XKR9: variants seen among roughly 807,000 people sequenced by gnomAD.
XKR9 encodes XK-related protein 9.
XKR9 carries 32 observed loss-of-function variants against 32.0 expected under a neutral mutation model. The observed-to-expected ratio is 1.00, with a 90% CI of 0.76 to 1.34. The LOEUF is 1.34. XKR9 is among the 40% of genes most tolerant of loss of function. The probability of loss-of-function intolerance (pLI) is 0.00; values close to 1 mark genes in which losing one functional copy is unlikely to be tolerated. For missense variants in XKR9, 546 were observed against 429.7 expected (o/e 1.27, Z -2.39); for synonymous variants, 168 against 143.4 (o/e 1.17, Z -1.22).
At chr8:71,004,135 G>C in the XKR9 span, among the ~76,000 whole-genome samples, 1 of 152,174 alleles carries the variant, frequency 6.6e-6, no homozygotes, top group East Asian at 1.9e-4. Flanking sequence ...TCCCGTGGAG[G>C]ACCATGTTGT....
chr8:70,815,727 G>A, the XKR9 span, among the ~76,000 whole-genome samples: 5 of 151,764 alleles, frequency 3.3e-5, no homozygotes, highest in Admixed American at 6.6e-5. Flanking sequence ...GGATTTCACC[G>A]TGTTAGCCAG....
chr8:70,930,898 G>A, the XKR9 span, among the ~76,000 whole-genome samples: 443 of 152,164 alleles, frequency 2.9e-3, 6 homozygotes, highest in African/African-American at 1.0e-2. Context: ...ATGCCAAAGA[G>A]CATCACCATC....
intron 2 of XKR9, among the ~76,000 whole-genome samples, chr8:70,776,540 T>C (rs933114946): frequency 2.0e-5 from 3 of 152,082 alleles, no homozygotes; most frequent in Non-Finnish European, 4.4e-5. Flanking sequence ...CTGGGGTTTC[T>C]ATAAGACTCT....
At chr8:71,004,074 G>C in the XKR9 span, among the ~76,000 whole-genome samples, 5 of 152,336 alleles carry the variant, frequency 3.3e-5, no homozygotes, top group East Asian at 7.7e-4. Flanking sequence ...TCGAAGGAGG[G>C]TAAGGCATGG....
chr8:70,956,551 T>C, the XKR9 span, among the ~76,000 whole-genome samples: 1 of 152,140 alleles, frequency 6.6e-6, no homozygotes, highest in Non-Finnish European at 1.5e-5. Context: ...ACCTTCCCCC[T>C]TCTGCCCAGG....
At chr8:70,992,228 T>A in the XKR9 span, among the ~76,000 whole-genome samples, 1 of 152,206 alleles carries the variant, frequency 6.6e-6, no homozygotes, top group Non-Finnish European at 1.5e-5. Context: ...GAACCATACA[T>A]TAAGTGAGTA....
chr8:70,709,520 T>C (rs1370575930), intron 4 of XKR9, among the ~76,000 whole-genome samples: 1 of 152,148 alleles, frequency 6.6e-6, no homozygotes, highest in East Asian at 1.9e-4. Flanking sequence ...CTATCCCTGT[T>C]TGCAAACAAT....
chr8:70,706,058 A>T (rs542270710), intron 3 of XKR9, among the ~76,000 whole-genome samples: 1 of 152,248 alleles, frequency 6.6e-6, no homozygotes, highest in South Asian at 2.1e-4. Flanking sequence ...CATTTACTGA[A>T]ATGGGAAACG....
At chr8:70,811,079 T>C in the XKR9 span, among the ~76,000 whole-genome samples, 2 of 152,156 alleles carry the variant, frequency 1.3e-5, no homozygotes, top group Non-Finnish European at 2.9e-5. Context: ...ACAGAAATTA[T>C]AACAAACTGT....
the XKR9 span, among the ~76,000 whole-genome samples, chr8:70,806,225 A>G: frequency 4.6e-5 from 7 of 152,300 alleles, no homozygotes; most frequent in East Asian, 1.4e-3. Context: ...AATAGCATCG[A>G]CAACAACAAA....
intron 2 of XKR9, among the ~76,000 whole-genome samples, chr8:70,762,441 C>A (rs550488965): frequency 1.3e-5 from 2 of 152,088 alleles, no homozygotes; most frequent in African/African-American, 4.8e-5. Context: ...ACCTTCTGTC[C>A]CATAAGCCAC....
At chr8:71,056,671 T>C in the XKR9 span, among the ~76,000 whole-genome samples, 1 of 152,188 alleles carries the variant, frequency 6.6e-6, no homozygotes, top group South Asian at 2.1e-4. Context: ...TTCTTCTAGT[T>C]CTTGGTGCAA....
chr8:70,732,538 C>A (rs768778250), intron 4 of XKR9, among the ~76,000 whole-genome samples: 8 of 152,150 alleles, frequency 5.3e-5, no homozygotes, highest in Non-Finnish European at 8.8e-5. Context: ...GGACGAGCCC[C>A]CATATTTGTA....
At chr8:70,940,965 T>C in the XKR9 span, among the ~76,000 whole-genome samples, 1 of 152,126 alleles carries the variant, frequency 6.6e-6, no homozygotes, top group Non-Finnish European at 1.5e-5. Flanking sequence ...CAAACTTTTT[T>C]ATTATTATTT....
intron 3 of XKR9, among the ~76,000 whole-genome samples, chr8:70,700,126 A>C (rs1167772768): frequency 6.6e-6 from 1 of 152,072 alleles, no homozygotes; most frequent in African/African-American, 2.4e-5. Context: ...CTTTGGTTTG[A>C]ATTTCCTCCT....
chr8:71,027,789 G>C, the XKR9 span, among the ~76,000 whole-genome samples: 207 of 131,250 alleles, frequency 1.6e-3, 3 homozygotes, highest in East Asian at 0.024. Context: ...CGGGGGGGGG[G>C]GGTCTCACTC....
At chr8:70,983,316 T>C in the XKR9 span, among the ~76,000 whole-genome samples, 3 of 152,174 alleles carry the variant, frequency 2.0e-5, no homozygotes, top group African/African-American at 7.2e-5. Flanking sequence ...ACTCCTCTGC[T>C]AGATCTCCTT....
At chr8:70,703,808 G>A (rs898639071) in intron 3 of XKR9, among the ~76,000 whole-genome samples, 26 of 152,042 alleles carry the variant, frequency 1.7e-4, no homozygotes, top group Non-Finnish European at 2.8e-4. Context: ...GAAGATATAG[G>A]GATAAAAATA....
At chr8:70,810,039 A>G in the XKR9 span, among the ~76,000 whole-genome samples, 1 of 152,220 alleles carries the variant, frequency 6.6e-6, no homozygotes, top group African/African-American at 2.4e-5. Flanking sequence ...GCAGCCAGAG[A>G]GAAAGGTGGG....
Sources: gnomAD v4.1 joint callset for allele counts (sites outside exome capture counted in the v4.1 genomes callset) on GRCh38, gnomAD v4.1.1 for gene constraint, MANE v1.5 for transcripts, NCBI Gene and HGNC (gene_info 2026-07-23, HGNC 2026-07-21) for gene names.